Variants in VWA3B observed in about 807,000 individuals in gnomAD.
The protein encoded by VWA3B is von Willebrand factor A domain-containing protein 3B.
A neutral mutation model predicts 158.3 loss-of-function variants in VWA3B; 138 were observed. The ratio of observed to expected loss-of-function variants is 0.87; its 90% CI spans 0.76 to 1.00. The LOEUF (loss-of-function observed/expected upper bound fraction) is 1.00, where lower values mean the gene tolerates loss of function less well. Ranked by LOEUF, VWA3B falls within the 50% of genes least tolerant of loss-of-function variation. The probability of loss-of-function intolerance (pLI) is 0.00; values close to 1 mark genes in which losing one functional copy is unlikely to be tolerated. For synonymous variants in VWA3B, 596 were observed against 587.3 expected, an observed-to-expected ratio of 1.01 and a Z score of -0.21; for missense variants, 1,555 against 1,565.1, an observed-to-expected ratio of 0.99 and a Z score of 0.11.
intron 16 of VWA3B, among the ~76,000 whole-genome samples, chr2:98,232,493 A>G (rs1230770527): frequency 6.6e-6 from 1 of 152,012 alleles, no homozygotes; most frequent in Non-Finnish European, 1.5e-5. Flanking sequence ...TTGTCAGATA[A>G]TTCCAGCTCC....
At chr2:98,181,233 G>A (rs780946302) in intron 9 of VWA3B, 21 bp downstream of exon 9, 1 of 1,609,128 alleles carries the variant, frequency 6.2e-7, no homozygotes, top group East Asian at 2.2e-5. Context: ...TGCACTCCTG[G>A]GAGGGGCTGG....
At chr2:98,278,375 C>T (rs1338663001) in intron 22 of VWA3B, among the ~76,000 whole-genome samples, 38 of 152,216 alleles carry the variant, frequency 2.5e-4, no homozygotes, top group Admixed American at 2.4e-3. Flanking sequence ...TGTTACCGTG[C>T]TCCTTTAGTG....
intron 22 of VWA3B, among the ~76,000 whole-genome samples, chr2:98,285,264 G>A (rs1689097632): frequency 6.6e-6 from 1 of 152,004 alleles, no homozygotes; most frequent in Admixed American, 6.5e-5. Flanking sequence ...CCTTTTCTAT[G>A]CATTTTATAA....
downstream of VWA3B, among the ~76,000 whole-genome samples, chr2:98,315,546 T>C (rs1231571055): frequency 6.6e-6 from 1 of 152,206 alleles, no homozygotes; most frequent in African/African-American, 2.4e-5. Context: ...GGATCACCAA[T>C]TAAGTGATGT....
intron 22 of VWA3B, among the ~76,000 whole-genome samples, chr2:98,288,936 G>T (rs911600004): frequency 2.0e-5 from 3 of 151,968 alleles, no homozygotes; most frequent in African/African-American, 7.3e-5. Flanking sequence ...TGTCAATGTT[G>T]TACTCTTTCC....
intron 5 of VWA3B, 122 bp downstream of exon 5, chr2:98,121,580 G>A: frequency 2.3e-6 from 3 of 1,323,708 alleles, no homozygotes; most frequent in South Asian, 2.7e-5. Flanking sequence ...GGATCCGACA[G>A]AGATCCCATT....
intron 22 of VWA3B, among the ~76,000 whole-genome samples, chr2:98,289,689 C>G (rs1689375143): frequency 6.6e-6 from 1 of 152,204 alleles, no homozygotes; most frequent in Non-Finnish European, 1.5e-5. Context: ...GCTTGTCTCT[C>G]TCAAATTTGC....
chr2:98,271,431 C>A (rs1688193051), intron 22 of VWA3B, among the ~76,000 whole-genome samples: 1 of 152,152 alleles, frequency 6.6e-6, no homozygotes, highest in Non-Finnish European at 1.5e-5. Flanking sequence ...TTATTGCTAC[C>A]ACTTGGGAGC....
the VWA3B span, among the ~76,000 whole-genome samples, chr2:98,318,661 A>G: frequency 6.6e-6 from 1 of 152,218 alleles, no homozygotes; most frequent in Non-Finnish European, 1.5e-5. Context: ...TAATCTGTAT[A>G]ACCAATCCCC....
chr2:98,151,485 A>G (rs763164808), intron 7 of VWA3B, among the ~76,000 whole-genome samples: 6 of 152,208 alleles, frequency 3.9e-5, no homozygotes, highest in Non-Finnish European at 8.8e-5. Context: ...GCCCCCACTC[A>G]TGTCATATCC....
At chr2:98,286,210 C>T (rs1325046979) in intron 22 of VWA3B, among the ~76,000 whole-genome samples, 1 of 152,076 alleles carries the variant, frequency 6.6e-6, no homozygotes, top group Non-Finnish European at 1.5e-5. Flanking sequence ...AGAATCATGT[C>T]ATTTATGAAT....
At chr2:98,318,991 C>A in the VWA3B span, among the ~76,000 whole-genome samples, 1 of 152,160 alleles carries the variant, frequency 6.6e-6, no homozygotes, top group South Asian at 2.1e-4. Context: ...GGTTCCACAT[C>A]CCACGAATAG....
intron 16 of VWA3B, among the ~76,000 whole-genome samples, chr2:98,231,294 G>A (rs777915286): frequency 1.3e-5 from 2 of 152,154 alleles, no homozygotes; most frequent in Non-Finnish European, 2.9e-5. Context: ...AATATATGCA[G>A]AAACATCAGG....
intron 19 of VWA3B, among the ~76,000 whole-genome samples, chr2:98,238,337 C>T (rs964375784): frequency 6.6e-6 from 1 of 152,182 alleles, no homozygotes; most frequent in African/African-American, 2.4e-5. Flanking sequence ...CAGATGTCAA[C>T]TCACCACTTG....
At chr2:98,177,698 A>G (rs1198620561) in intron 8 of VWA3B, among the ~76,000 whole-genome samples, 1 of 151,912 alleles carries the variant, frequency 6.6e-6, no homozygotes, top group Non-Finnish European at 1.5e-5. Context: ...TCAGATGGTA[A>G]TTGGGAGCCT....
chr2:98,225,250 T>C (rs1039327839), intron 14 of VWA3B, among the ~76,000 whole-genome samples: 4 of 152,246 alleles, frequency 2.6e-5, no homozygotes, highest in African/African-American at 9.6e-5. Flanking sequence ...TTTTGTATAT[T>C]GGAAATATTT....
intron 16 of VWA3B, among the ~76,000 whole-genome samples, chr2:98,233,604 A>C (rs1276848222): frequency 2.0e-5 from 3 of 152,230 alleles, no homozygotes; most frequent in Non-Finnish European, 2.9e-5. Context: ...CAATCAAGGC[A>C]GGGCTTACCC....
chr2:98,224,872 C>A (rs1472864259), intron 14 of VWA3B, among the ~76,000 whole-genome samples: 1 of 152,058 alleles, frequency 6.6e-6, no homozygotes, highest in Non-Finnish European at 1.5e-5. Context: ...AAATCCTCAA[C>A]AAAATATTAG....
In VWA3B at chr2:98,163,079, A is replaced by G. The variant is rs1573950142; in HGVS notation, c.1114+103A>G. 2.6e-6 allele frequency: 4 copies of G among 1,534,828 alleles called. No homozygotes were observed. In the East Asian group the frequency reaches 9.1e-5, roughly 35 times the overall value. On this transcript the variant is annotated intron_variant, in intron 8 of 27. Coordinates refer to ENST00000477737, the MANE Select transcript of VWA3B (RefSeq NM_144992.5). ...CCTGACCAGAGAAGCTCCAGAGCCCAGCTGCGAGGGGCTGCTGAGGAGAGC... is the reference window on the plus strand; with the variant it reads ...CCTGACCAGAGAAGCTCCAGAGCCCGGCTGCGAGGGGCTGCTGAGGAGAGC...
Sources: gnomAD v4.1 joint callset for allele counts (sites outside exome capture counted in the v4.1 genomes callset) on GRCh38, gnomAD v4.1.1 for gene constraint, MANE v1.5 for transcripts, NCBI Gene and HGNC (gene_info 2026-07-23, HGNC 2026-07-21) for gene names.